The following RRM2 variants were observed in gnomAD, a reference collection of about 807,000 sequenced individuals.
The protein encoded by RRM2 is ribonucleotide reductase regulatory subunit M2, also known as ribonucleoside-diphosphate reductase subunit M2.
In RRM2, 6 loss-of-function variants were observed where a neutral mutation model predicts 45.9. The ratio of observed to expected loss-of-function variants is 0.13; its 90% CI spans 0.07 to 0.26. The LOEUF is 0.26. Among genes scored for constraint, RRM2 ranks in the 10% least tolerant of loss-of-function variants. RRM2 has a pLI of 1.00. For missense variants in RRM2, 343 were observed against 489.5 expected (o/e 0.70, Z 2.82); for synonymous variants, 177 against 173.0 (o/e 1.02, Z -0.18).
intron 3 of RRM2, among the ~76,000 whole-genome samples, chr2:10,196,689 A>G (rs950611400): frequency 1.3e-5 from 2 of 152,362 alleles, no homozygotes; most frequent in Middle Eastern, 3.4e-3. Flanking sequence ...GGGAGCAGAC[A>G]AGAAACAGGC....
At chr2:10,159,126 G>T (rs2125317975) in intron 3 of RRM2, among the ~76,000 whole-genome samples, 1 of 152,260 alleles carries the variant, frequency 6.6e-6, no homozygotes, top group African/African-American at 2.4e-5. Flanking sequence ...TGAGAGGTAA[G>T]GTGGGGGTGG....
rs1384781580 is a variant in RRM2, at chr2:10,130,474, C to T, written c.*1088C>T. 4 of 151,912 alleles carry T rather than the reference C, an allele frequency of 2.6e-5. No homozygotes were observed. Among genetic ancestry groups the T allele is most frequent in the African/African-American group, 9.7e-5 (4 of 41,314 alleles). The allele number at this position is 151,912 out of a possible 1,614,324, so 9.4% of individuals were successfully genotyped here. The stretch of plus-strand genomic sequence containing the variant: ...GAAATTTTTTATTATCTATGTTCTT[C>T]TAGATTTTACCTGTAGTTCATACTT... On this transcript the variant is annotated 3_prime_UTR_variant, in exon 10 of 10. Transcript: ENST00000304567.
chr2:10,180,162 C>A (rs1168870788), intron 3 of RRM2, among the ~76,000 whole-genome samples: 1 of 152,222 alleles, frequency 6.6e-6, no homozygotes, highest in East Asian at 1.9e-4. Context: ...GAGCTCTTTA[C>A]CTGAGGGTGT....
intron 3 of RRM2, among the ~76,000 whole-genome samples, chr2:10,184,579 G>C (rs1664125446): frequency 6.6e-6 from 1 of 152,250 alleles, no homozygotes; most frequent in African/African-American, 2.4e-5. Flanking sequence ...GGGCAGGCGG[G>C]ACAGAGGCAG....
chr2:10,159,202 C>T (rs961518673), intron 3 of RRM2, among the ~76,000 whole-genome samples: 1 of 152,102 alleles, frequency 6.6e-6, no homozygotes, highest in Admixed American at 6.6e-5. Context: ...GTGGAGACAC[C>T]CTTAGCCCAA....
At chr2:10,137,546 G>C (rs988412268), upstream of RRM2, among the ~76,000 whole-genome samples, 5 of 152,192 alleles carry the variant, frequency 3.3e-5, no homozygotes, top group Admixed American at 3.3e-4. Flanking sequence ...CTTCACTAGT[G>C]GGGGCCACTT....
chr2:10,154,499 CAA>C (rs547349749), intron 3 of RRM2, among the ~76,000 whole-genome samples: 17 of 94,548 alleles, frequency 1.8e-4, no homozygotes, highest in African/African-American at 4.2e-4. Context: ...GACTCCATCT[CAA>C]AAAAAAAAAA....
Position 10,122,783 on chromosome 2 carries a change from T to G in RRM2, c.-16T>G. The G allele has an allele frequency of 1.3e-6, 2 of 1,573,910 alleles. No homozygotes were observed. The highest frequency in any genetic ancestry group is 2.7e-5 in the African/African-American group (2 of 74,290). ...TCCTGTCCTGGCTGCTCGCTCTGCTTCGCTGCGCCTCCACTATGCTCTCCC... is the reference window on the plus strand; with the variant it reads ...TCCTGTCCTGGCTGCTCGCTCTGCTGCGCTGCGCCTCCACTATGCTCTCCC... On this transcript the variant is annotated 5_prime_UTR_variant, in exon 1 of 10. Transcript: ENST00000304567.
intron 3 of RRM2, among the ~76,000 whole-genome samples, chr2:10,158,687 AG>A (rs1663487190): frequency 6.6e-6 from 1 of 152,050 alleles, no homozygotes; most frequent in Admixed American, 6.5e-5. Flanking sequence ...CTGGAGTAAT[AG>A]GGGCCCTCAA....
chr2:10,193,533 G>A (rs939992463), intron 3 of RRM2, among the ~76,000 whole-genome samples: 1 of 152,258 alleles, frequency 6.6e-6, no homozygotes, highest in African/African-American at 2.4e-5. Flanking sequence ...TGCCAGCCGA[G>A]CGCGCCTGCA....
Position 10,124,766 on chromosome 2 carries a change from A to G in RRM2, c.485A>G (p.Tyr162Cys). 1.2e-6 allele frequency: 2 copies of G among 1,612,388 alleles called. No individual in the cohort carries two copies. Among genetic ancestry groups the G allele is most frequent in the Admixed American group, 1.7e-5 (1 of 60,004 alleles). The change falls in exon 5 of 10, where the codon TAT (tyrosine) becomes TGT (cysteine). Residue 162 changes from tyrosine (Y) to cysteine (C), a missense_variant. This residue lies in a region of RRM2 where 212 missense variants were observed against 368.1 expected (regional missense o/e 0.58). Coordinates refer to ENST00000304567, the MANE Select transcript of RRM2 (RefSeq NM_001034.4). ...CAGATTACAGAAGCCCGCTGTTTCT[A>G]TGGCTTCCAAATTGCCATGGAAAAC... is the stretch of plus-strand genomic sequence containing the variant. ...EVQITEARCF[Y>C]GFQIAMENIH...
chr2:10,208,683 T>G (rs1664705206), intron 3 of RRM2, among the ~76,000 whole-genome samples: 1 of 152,214 alleles, frequency 6.6e-6, no homozygotes, highest in South Asian at 2.1e-4. Flanking sequence ...AAGGATTTCA[T>G]GGGCTTATTT....
intron 3 of RRM2, among the ~76,000 whole-genome samples, chr2:10,201,148 CA>C (rs146526701): frequency 9.7e-4 from 117 of 120,992 alleles, no homozygotes; most frequent in Admixed American, 1.3e-3. Context: ...GATTCCATCT[CA>C]AAAAAAAAAA....
chr2:10,123,184 C>CT, intron 2 of RRM2, 127 bp downstream of exon 2: 1 of 1,304,192 alleles, frequency 7.7e-7, no homozygotes, highest in Non-Finnish European at 1.0e-6. Flanking sequence ...GGCCCCTCCC[C>CT]AGGGCTGCCT....
chr2:10,159,272 G>T (rs1055575354), intron 3 of RRM2, among the ~76,000 whole-genome samples: 2 of 152,142 alleles, frequency 1.3e-5, no homozygotes, highest in Non-Finnish European at 2.9e-5. Flanking sequence ...GTACCCAGAC[G>T]ATGAGCAAAG....
At chr2:10,150,895 C>T (rs1663298008) in intron 3 of RRM2, among the ~76,000 whole-genome samples, 2 of 151,450 alleles carry the variant, frequency 1.3e-5, no homozygotes, top group African/African-American at 4.9e-5. Context: ...CTCACTGCAA[C>T]CTCCACCTCC....
chr2:10,198,424 A>T (rs1664459445), intron 3 of RRM2, among the ~76,000 whole-genome samples: 1 of 148,822 alleles, frequency 6.7e-6, no homozygotes. Flanking sequence ...TTTTTTTTAG[A>T]CAGGGTCTCG....
At position 10,124,717 on chromosome 2, in the gene RRM2, G is replaced by T; in HGVS notation, c.436G>T (p.Val146Leu). The change falls in exon 5 of 10, where the codon GTG becomes TTG. Residue 146 changes from valine to leucine, a missense_variant and splice_region_variant. By Grantham distance (32) the Val-to-Leu change is conservative. Around this residue, in one of 2 missense-constraint regions of RRM2, gnomAD observed 212 missense variants for 368.1 expected, o/e 0.58. Coordinates refer to ENST00000304567, the MANE Select transcript of RRM2 (RefSeq NM_001034.4). ...ASDGIVNENL[V>L]ERFSQEVQIT... is the part of the protein sequence containing the mutation. ...TAACTTTGATGTGTTTTGCCACTAG[G>T]TGGAGCGATTTAGCCAAGAAGTTCA... 1 of 1,611,522 alleles carries T rather than the reference G, an allele frequency of 6.2e-7. No individual in the cohort carries two copies. The highest frequency in any genetic ancestry group is 1.1e-5 in the South Asian group (1 of 90,848).
In RRM2 at chr2:10,127,098, G is replaced by A. The variant is rs940325995; in HGVS notation, c.676G>A (p.Val226Ile). 13 of 1,614,070 alleles carry A rather than the reference G, an allele frequency of 8.1e-6. No homozygotes were observed. Among genetic ancestry groups the A allele is most frequent in the Middle Eastern group, 1.6e-4 (1 of 6,084 alleles). The stretch of plus-strand genomic sequence containing the variant: ...TAACTCCTAAATAGGTGAACGTGTT[G>A]TAGCCTTTGCTGCAGTGGAAGGCAT... ...DKEATYGERV[V>I]AFAAVEGIFF... The change falls in exon 7 of 10, where the codon GTA (valine) becomes ATA (isoleucine). Residue 226 changes from valine to isoleucine, a missense_variant. Transcript: ENST00000304567. The surrounding 1 kb of genome is among the most constrained non-coding windows in gnomAD (Gnocchi z 4.1).
Sources: allele counts gnomAD v4.1 joint callset (sites outside exome capture counted in the v4.1 genomes callset), GRCh38; gene constraint gnomAD v4.1.1; regional missense constraint gnomAD v4.1.1; non-coding constraint Gnocchi (gnomAD v3.1); transcripts MANE v1.5; gene names NCBI Gene and HGNC (gene_info 2026-07-23, HGNC 2026-07-21).